SAMD5: variants seen among roughly 807,000 people sequenced by gnomAD.
SAMD5 encodes the protein sterile alpha motif domain-containing protein 5.
Under a neutral mutation model 11.3 loss-of-function variants are expected in SAMD5, and 13 were observed. The ratio of observed to expected loss-of-function variants is 1.15; its 90% CI spans 0.75 to 1.83. The LOEUF (loss-of-function observed/expected upper bound fraction) is 1.83, where lower values mean the gene tolerates loss of function less well. Among genes scored for constraint, SAMD5 ranks in the 40% most tolerant of loss-of-function variants. The pLI, the probability that SAMD5 is intolerant of heterozygous loss-of-function variation, is 0.00. For missense variants in SAMD5, 255 were observed against 239.1 expected (o/e 1.07, Z -0.44); for synonymous variants, 129 against 111.3 (o/e 1.16, Z -1.00).
chr6:147,639,249 T>G (rs886144964), intron 1 of SAMD5, among the ~76,000 whole-genome samples: 3 of 152,148 alleles, frequency 2.0e-5, no homozygotes, highest in African/African-American at 4.8e-5. Context: ...TTGTATGAAT[T>G]AAGAAAATAT....
the SAMD5 span, among the ~76,000 whole-genome samples, chr6:147,824,177 A>G: frequency 5.3e-5 from 8 of 152,146 alleles, no homozygotes; most frequent in African/African-American, 1.4e-4. Context: ...TTTAAATTCT[A>G]TCTTTAAGCT....
rs144852693 is a variant in SAMD5, at chr6:147,614,660, G to A, written c.162+105273G>A. On this transcript the variant is annotated intron_variant, in intron 1 of 1. Transcript: ENST00000566741. ...TGTAGGAAGCTGGAAAGTGGTTACC[G>A]GAGATTTGGGGTGGGGAAGGGTTGG... 1.4e-4 allele frequency among the ~76,000 whole-genome samples: 22 copies of A among 151,978 alleles called. No individual in the cohort carries two copies. The East Asian group carries it at 3.5e-3, about 24-fold the overall frequency.
At chr6:147,679,309 A>G (rs1790907702) in intron 1 of SAMD5, among the ~76,000 whole-genome samples, 1 of 152,150 alleles carries the variant, frequency 6.6e-6, no homozygotes, top group Middle Eastern at 3.2e-3. Flanking sequence ...CATTATAGTC[A>G]ATGCTTGGGA....
intron 1 of SAMD5, among the ~76,000 whole-genome samples, chr6:147,647,951 A>G (rs1015817206): frequency 3.3e-5 from 5 of 152,200 alleles, no homozygotes; most frequent in African/African-American, 1.2e-4. Flanking sequence ...ACAAGAGATT[A>G]AGTAAATTGA....
At chr6:147,819,154 G>A in the SAMD5 span, among the ~76,000 whole-genome samples, 2 of 152,154 alleles carry the variant, frequency 1.3e-5, no homozygotes, top group Non-Finnish European at 1.5e-5. Context: ...GCCTTAAAAA[G>A]GAATGAGATC....
the SAMD5 span, among the ~76,000 whole-genome samples, chr6:147,804,592 A>T: frequency 6.6e-6 from 1 of 152,272 alleles, no homozygotes; most frequent in Non-Finnish European, 1.5e-5. Flanking sequence ...CCTAATTTTG[A>T]CCTGCCCTTG....
At chr6:147,862,862 T>A in the SAMD5 span, among the ~76,000 whole-genome samples, 1 of 150,794 alleles carries the variant, frequency 6.6e-6, no homozygotes, top group African/African-American at 2.4e-5. Context: ...AGAAAGGAGG[T>A]TTTTTTTTGT....
downstream of SAMD5, among the ~76,000 whole-genome samples, chr6:147,574,101 C>A (rs1789179438): frequency 6.6e-6 from 1 of 150,726 alleles, no homozygotes; most frequent in African/African-American, 2.4e-5. Flanking sequence ...GCACTCCAGC[C>A]TGGGCGATAG....
At chr6:147,669,417 CTTCT>C (rs1790764949) in intron 1 of SAMD5, among the ~76,000 whole-genome samples, 2 of 136,902 alleles carry the variant, frequency 1.5e-5, no homozygotes, top group African/African-American at 5.5e-5. Flanking sequence ...TCAAGCTCCA[CTTCT>C]TTTTTTTTTT....
At chr6:147,715,583 C>A (rs1024382536) in intron 1 of SAMD5, among the ~76,000 whole-genome samples, 1 of 152,214 alleles carries the variant, frequency 6.6e-6, no homozygotes, top group Non-Finnish European at 1.5e-5. Flanking sequence ...TTGTCACCCA[C>A]ATTGAGGCGA....
intron 1 of SAMD5, among the ~76,000 whole-genome samples, chr6:147,562,835 T>A (rs1015747524): frequency 2.4e-4 from 36 of 148,056 alleles, no homozygotes; most frequent in South Asian, 1.1e-3. Flanking sequence ...AAAAAATAAA[T>A]AAATAAATAA....
At chr6:147,953,299 T>A in the SAMD5 span, 2 of 152,220 alleles carry the variant, frequency 1.3e-5, no homozygotes, top group Non-Finnish European at 2.9e-5. Context: ...TTTGGTTTTT[T>A]TTTTTCTCTT....
intron 1 of SAMD5, among the ~76,000 whole-genome samples, chr6:147,606,115 C>T (rs535559903): frequency 9.1e-4 from 138 of 152,206 alleles, no homozygotes; most frequent in Middle Eastern, 3.4e-3. Context: ...TTTTTATCTT[C>T]CGGCTGTTTA....
chr6:147,765,265 G>A, the SAMD5 span, among the ~76,000 whole-genome samples: 1 of 152,182 alleles, frequency 6.6e-6, no homozygotes, highest in Non-Finnish European at 1.5e-5. Flanking sequence ...TATGAGGAAT[G>A]AACCATTTTC....
chr6:147,720,805 G>A (rs1386252116), intron 1 of SAMD5, among the ~76,000 whole-genome samples: 7 of 146,906 alleles, frequency 4.8e-5, no homozygotes, highest in South Asian at 2.2e-4. Context: ...CCACTAACTC[G>A]TCATCTAGCA....
intron 1 of SAMD5, among the ~76,000 whole-genome samples, chr6:147,663,691 C>T (rs1790676852): frequency 6.7e-6 from 1 of 149,248 alleles, no homozygotes; most frequent in Non-Finnish European, 1.5e-5. Context: ...ACTCAGGAGG[C>T]TGAGGCAGGA....
At chr6:147,663,030 T>A (rs887046557) in intron 1 of SAMD5, among the ~76,000 whole-genome samples, 2 of 152,228 alleles carry the variant, frequency 1.3e-5, no homozygotes, top group Non-Finnish European at 2.9e-5. Context: ...AATGTGTCAT[T>A]ACCACATTAG....
the SAMD5 span, among the ~76,000 whole-genome samples, chr6:147,858,981 T>C: frequency 3.3e-5 from 5 of 152,074 alleles, no homozygotes; most frequent in African/African-American, 1.2e-4. Flanking sequence ...TAGATATATA[T>C]TAAGAAGGAA....
At chr6:147,766,114 A>T in the SAMD5 span, among the ~76,000 whole-genome samples, 1 of 149,492 alleles carries the variant, frequency 6.7e-6, no homozygotes, top group Non-Finnish European at 1.5e-5. Context: ...GAAAAAAAAA[A>T]ACACAAAAAA....
Sources: allele counts gnomAD v4.1 joint callset (sites outside exome capture counted in the v4.1 genomes callset), GRCh38; gene constraint gnomAD v4.1.1; transcripts MANE v1.5; gene names NCBI Gene and HGNC (gene_info 2026-07-23, HGNC 2026-07-21).